AKAP8: variants seen among roughly 807,000 people sequenced by gnomAD.
AKAP8 encodes the protein A-kinase anchor protein 8.
Under a neutral mutation model 67.5 loss-of-function variants are expected in AKAP8, and 24 were observed. The observed-to-expected ratio is 0.36, with a 90% CI of 0.26 to 0.50. The LOEUF is 0.50. Ranked by LOEUF, AKAP8 falls within the 20% of genes least tolerant of loss-of-function variation. The pLI is 0.97. For missense variants in AKAP8, 971 were observed against 955.9 expected, an observed-to-expected ratio of 1.02 and a Z score of -0.21; for synonymous variants, 400 against 371.1, an observed-to-expected ratio of 1.08 and a Z score of -0.90.
chr19:15,373,898 C>T lies in AKAP8; in HGVS notation c.259G>A (p.Asp87Asn), dbSNP rs776305733. ...TTGGCAATGAGGGAGTCGGAATTGTCGGTGCATGGCTCTGGGCCGTAAGAG... is the reference window on the plus strand; with the variant it reads ...TTGGCAATGAGGGAGTCGGAATTGTTGGTGCATGGCTCTGGGCCGTAAGAG... The part of the protein sequence containing the change: ...MASYGPEPCT[D>N]NSDSLIAKIN... Residue 87 changes from aspartate to asparagine, a missense_variant, in exon 4 of 14, where the codon GAC becomes AAC. By Grantham distance (23) the Asp-to-Asn change is conservative. This residue lies in a region of AKAP8 where 763 missense variants were observed against 745.4 expected (regional missense o/e 1.02). Transcript: ENST00000269701. The T allele has an allele frequency of 2.7e-5, 43 of 1,613,574 alleles. No homozygotes were observed. Among genetic ancestry groups the T allele is most frequent in the Non-Finnish European group, 3.2e-5 (38 of 1,179,964 alleles).
At chr19:15,376,955 C>G (rs928909604) in intron 2 of AKAP8, 21 bp downstream of exon 2, 8 of 1,609,196 alleles carry the variant, frequency 5.0e-6, no homozygotes, top group African/African-American at 1.3e-5. Context: ...ACGCCTCACC[C>G]GCAAAGCAGA....
chr19:15,373,162 C>G lies in AKAP8; in HGVS notation c.550G>C (p.Asp184His). 6.2e-7 allele frequency: 1 copy of G among 1,613,480 alleles called. No individual in the cohort carries two copies. The highest frequency in any genetic ancestry group is 1.7e-5 in the Admixed American group (1 of 60,014). Reference protein sequence around the residue: ...RDPARERGSLDGFMRGRGQGR... With the variant: ...RDPARERGSLHGFMRGRGQGR... ...TGGCCCCGGCCCCGCATGAAGCCAT[C>G]AAGGGAGCCCCGCTCCCGGGCTGGG... is the stretch of plus-strand genomic sequence containing the variant. Residue 184 changes from aspartate to histidine, a missense_variant, in exon 5 of 14, where the codon GAT (aspartate) becomes CAT (histidine). By Grantham distance (81) the Asp-to-His change is moderately conservative (BLOSUM62 -1). Transcript: ENST00000269701.
intron 9 of AKAP8, among the ~76,000 whole-genome samples, chr19:15,367,885 C>T (rs1332109005): frequency 6.6e-6 from 1 of 152,250 alleles, no homozygotes; most frequent in Non-Finnish European, 1.5e-5. Context: ...AGGAGAGTAA[C>T]AGAGCCCGCT....
rs148779961 is a variant in AKAP8 at position 15,373,950 on chromosome 19, C to A, written c.207G>T (p.Ala69=). ...EAAKANDGGL[A]AGAPAMHMAS... is the part of the protein sequence containing the mutation. ...CCATGTGCATGGCAGGGGCCCCGGCCGCCAGGCCGCCATCATTGGCCTTGG... is the reference window on the plus strand; with the variant it reads ...CCATGTGCATGGCAGGGGCCCCGGCAGCCAGGCCGCCATCATTGGCCTTGG... The change falls in exon 4 of 14, where the codon GCG becomes GCT. Residue 69 remains alanine, a synonymous_variant. Transcript: ENST00000269701. 4 of 1,613,538 alleles carry A rather than the reference C, an allele frequency of 2.5e-6. No homozygotes were observed. The African/African-American group carries it at 5.3e-5, about 22-fold the overall frequency.
At chr19:15,376,604 G>A (rs1352228508) in intron 2 of AKAP8, among the ~76,000 whole-genome samples, 1 of 152,124 alleles carries the variant, frequency 6.6e-6, no homozygotes. Context: ...ATCTAAAGCT[G>A]TACTAAAAAG....
rs374036020 is a variant in AKAP8 at position 15,373,322 on chromosome 19, C to T, written c.390G>A (p.Pro130=). Reference sequence around the variant, plus strand: ...AGGGCCTGGAGTCATAGGACTCGAACGGCTGGAAGCGGAAGGAGCTGCAAC... The same window carrying T: ...AGGGCCTGGAGTCATAGGACTCGAATGGCTGGAAGCGGAAGGAGCTGCAAC... ...QDRESSFRFQ[P]FESYDSRPCL... The change falls in exon 5 of 14, where the codon CCG becomes CCA. Residue 130 remains proline, a synonymous_variant. Transcript: ENST00000269701. 1.9e-4 allele frequency: 305 copies of T among 1,608,630 alleles called. No homozygotes were observed. Among genetic ancestry groups the T allele is most frequent in the Admixed American group, 6.7e-4 (40 of 59,544 alleles).
At chr19:15,372,616 G>A (rs943270855) in intron 5 of AKAP8, among the ~76,000 whole-genome samples, 1 of 152,164 alleles carries the variant, frequency 6.6e-6, no homozygotes, top group Non-Finnish European at 1.5e-5. Context: ...GGGGGCTGGT[G>A]GGGGCGGGGA....
rs73926747 is a variant in AKAP8, at chr19:15,369,319, G to C, written c.1072+827C>G. On this transcript the variant is annotated intron_variant, in intron 8 of 13. Transcript: ENST00000269701. This position sits in a 1 kb window ranked among gnomAD's most constrained non-coding sequence, Gnocchi z 4.6. ...TGGACAGGACTGCTGCGGGTCGCGG[G>C]GGGGAGGACCGCAGAGGGCTGGCAA... 2.1e-4 allele frequency: 204 copies of C among 957,112 alleles called. No homozygotes were observed. The highest frequency in any genetic ancestry group is 2.4e-4 in the South Asian group (5 of 20,742). 59.3% of individuals were successfully genotyped at this position (957,112 alleles called of 1,614,324 possible). A position where few individuals can be genotyped will look rare whatever the true frequency, so the allele number is the denominator to read the frequency against.
At chr19:15,363,891 G>C (rs1967022892) in intron 9 of AKAP8, among the ~76,000 whole-genome samples, 2 of 151,168 alleles carry the variant, frequency 1.3e-5, no homozygotes, top group Middle Eastern at 3.4e-3. Flanking sequence ...CATGTGCTGT[G>C]TCCACTCAGG....
At chr19:15,378,349 T>G (rs1568256230) in intron 1 of AKAP8, among the ~76,000 whole-genome samples, 2 of 152,176 alleles carry the variant, frequency 1.3e-5, no homozygotes, top group African/African-American at 2.4e-5. Context: ...CACGCACTAT[T>G]AACCTTAAAA....
intron 4 of AKAP8, 105 bp downstream of exon 4, chr19:15,373,681 G>C: frequency 7.3e-7 from 1 of 1,362,504 alleles, no homozygotes; most frequent in Non-Finnish European, 9.8e-7. Flanking sequence ...CCACACCCAA[G>C]AGGGAGGCGG....
rs1384861736 is a variant in AKAP8, at chr19:15,370,188, G to A, written c.1039-9C>T. On this transcript the variant is annotated splice_polypyrimidine_tract_variant and intron_variant, in intron 7 of 13. Transcript: ENST00000269701. Reference sequence around the variant, plus strand: ...TCGCAGAGTTCATCCTCCTGGAAAAGAGTATACACAAAGTCCGGCAGTGAG... The same window carrying A: ...TCGCAGAGTTCATCCTCCTGGAAAAAAGTATACACAAAGTCCGGCAGTGAG... The A allele has an allele frequency of 8.1e-6, 13 of 1,613,988 alleles. No individual in the cohort carries two copies. The highest frequency in any genetic ancestry group is 9.3e-6 in the Non-Finnish European group (11 of 1,180,012).
chr19:15,375,296 G>C (rs952875967), intron 2 of AKAP8, among the ~76,000 whole-genome samples: 31 of 152,300 alleles, frequency 2.0e-4, no homozygotes, highest in African/African-American at 7.5e-4. Flanking sequence ...GCAGGGATCT[G>C]CAAAAAGTCC....
At chr19:15,375,338 C>T (rs985193382) in intron 2 of AKAP8, among the ~76,000 whole-genome samples, 2 of 152,202 alleles carry the variant, frequency 1.3e-5, no homozygotes, top group Admixed American at 6.5e-5. Context: ...CGCCTTGGCA[C>T]AGCCCTTAGG....
chr19:15,365,064 C>T (rs1251414339), intron 9 of AKAP8, among the ~76,000 whole-genome samples: 4 of 152,316 alleles, frequency 2.6e-5, no homozygotes, highest in South Asian at 2.1e-4. Context: ...GCTGGCACTG[C>T]AGCCCCTCTG....
At chr19:15,361,873 G>A (rs761200993) in intron 10 of AKAP8, 51 bp from the exon 11 acceptor site, 2 of 1,544,620 alleles carry the variant, frequency 1.3e-6, no homozygotes, top group Non-Finnish European at 1.8e-6. Context: ...GGGCGCATGT[G>A]GGCATTTCTC....
chr19:15,361,870 T>A (rs773443169), intron 10 of AKAP8, 48 bp from the exon 11 acceptor site: 5 of 1,552,566 alleles, frequency 3.2e-6, no homozygotes, highest in Non-Finnish European at 4.4e-6. Context: ...GGTGGGCGCA[T>A]GTGGGCATTT....
intron 2 of AKAP8, 141 bp downstream of exon 2, chr19:15,376,835 G>A: frequency 4.3e-6 from 4 of 936,520 alleles, no homozygotes; most frequent in Admixed American, 4.7e-5. Flanking sequence ...AAGCCACAAA[G>A]ATATTCACTA....
In AKAP8 at chr19:15,368,952, T is replaced by C. The variant is rs185129012; in HGVS notation, c.1073-630A>G. 878 of 985,464 alleles carry C rather than the reference T, an allele frequency of 8.9e-4. 5 individuals carry two copies. The highest frequency in any genetic ancestry group is 8.4e-3 in the Middle Eastern group (16 of 1,912). 61.0% of individuals were successfully genotyped at this position (985,464 alleles called of 1,614,324 possible). A position where few individuals can be genotyped will look rare whatever the true frequency, so the allele number is the denominator to read the frequency against. ...AGAGACCAATTGGTCCTCCCGTCCG[T>C]CCCCCGGGGCCAGCAGAGGAGCTCC... On this transcript the variant is annotated intron_variant, in intron 8 of 13. Transcript: ENST00000269701.
Sources: allele counts gnomAD v4.1 joint callset (sites outside exome capture counted in the v4.1 genomes callset), GRCh38; gene constraint gnomAD v4.1.1; regional missense constraint gnomAD v4.1.1; non-coding constraint Gnocchi (gnomAD v3.1); transcripts MANE v1.5; gene names NCBI Gene and HGNC (gene_info 2026-07-23, HGNC 2026-07-21).